TRIM2: variants seen among roughly 807,000 people sequenced by gnomAD.
TRIM2 encodes the protein tripartite motif-containing protein 2.
A neutral mutation model predicts 75.2 loss-of-function variants in TRIM2; 20 were observed. The observed-to-expected ratio is 0.27, with a 90% CI of 0.19 to 0.39. TRIM2 has a LOEUF of 0.39. Ranked by LOEUF, TRIM2 falls within the 10% of genes least tolerant of loss-of-function variation. The probability of loss-of-function intolerance (pLI) is 1.00; values close to 1 mark genes in which losing one functional copy is unlikely to be tolerated. For missense variants in TRIM2, 660 were observed against 990.8 expected (o/e 0.67, Z 4.48); for synonymous variants, 373 against 388.3 (o/e 0.96, Z 0.46).
At chr4:153,168,550 A>C (rs1307469533) in intron 1 of TRIM2, among the ~76,000 whole-genome samples, 1 of 152,164 alleles carries the variant, frequency 6.6e-6, no homozygotes, top group Non-Finnish European at 1.5e-5. Flanking sequence ...AATAACAACA[A>C]ATTAGATAAT....
At chr4:153,197,075 G>T (rs1733856036) in intron 1 of TRIM2, among the ~76,000 whole-genome samples, 1 of 152,222 alleles carries the variant, frequency 6.6e-6, no homozygotes, top group African/African-American at 2.4e-5. Context: ...CTGTGTTGAT[G>T]TGTGGTTAGC....
intron 1 of TRIM2, among the ~76,000 whole-genome samples, chr4:153,190,507 AT>A (rs60062851): frequency 0.16 from 24,911 of 151,958 alleles, 2,345 homozygotes; most frequent in Admixed American, 0.23. Flanking sequence ...AGGCTTAAAG[AT>A]TTTTTTTTAA....
chr4:153,159,320 T>TTTA (rs1729534015), intron 1 of TRIM2, among the ~76,000 whole-genome samples: 1 of 129,178 alleles, frequency 7.7e-6, no homozygotes, highest in Non-Finnish European at 1.7e-5. Context: ...TTTTTTTTTG[T>TTTA]AGAGACAGTA....
intron 1 of TRIM2, among the ~76,000 whole-genome samples, chr4:153,204,961 C>T (rs1271729503): frequency 6.6e-6 from 1 of 152,120 alleles, no homozygotes; most frequent in East Asian, 1.9e-4. Flanking sequence ...CTCAGTCGAC[C>T]CCATTTGAAA....
In TRIM2 at chr4:153,223,409, CTTT is replaced by C. The variant is rs574359289; in HGVS notation, c.30+18852_30+18854del. ...GTAATTTTGAAAAGATCGGCTTCCT[CTTT>C]TTCTTTAAAAACATGTTTGGTCATT... is the stretch of plus-strand genomic sequence containing the variant. On this transcript the variant is annotated intron_variant, in intron 1 of 11. Coordinates refer to ENST00000338700, the MANE Select transcript of TRIM2 (RefSeq NM_015271.5). Among the ~76,000 whole-genome samples, 5 of 152,346 alleles carry C rather than the reference CTTT, an allele frequency of 3.3e-5. No homozygotes were observed. The South Asian group carries it at 1.0e-3, about 32-fold the overall frequency.
chr4:153,173,933 C>A (rs1731141382), intron 1 of TRIM2, among the ~76,000 whole-genome samples: 1 of 152,052 alleles, frequency 6.6e-6, no homozygotes, highest in African/African-American at 2.4e-5. Context: ...CCACTGCAGT[C>A]TATCCTGGGT....
intron 1 of TRIM2, among the ~76,000 whole-genome samples, chr4:153,215,517 C>T (rs1271773465): frequency 6.6e-6 from 1 of 151,752 alleles, no homozygotes; most frequent in East Asian, 1.9e-4. Flanking sequence ...AAGCTCAAAA[C>T]TACATTAGGG....
At chr4:153,286,765 A>AC (rs1197728432) in intron 3 of TRIM2, among the ~76,000 whole-genome samples, 26 of 47,480 alleles carry the variant, frequency 5.5e-4, no homozygotes, top group African/African-American at 1.7e-3. Flanking sequence ...ACCACCCCGC[A>AC]CCCCCCCACC....
chr4:153,273,270 C>CATTTTT (rs1757187818), intron 2 of TRIM2, among the ~76,000 whole-genome samples: 6 of 57,386 alleles, frequency 1.0e-4, no homozygotes, highest in African/African-American at 4.2e-4. Flanking sequence ...TACAGTCACT[C>CATTTTT]TTTTTTTTTT....
chr4:153,284,786 G>A lies in TRIM2; in HGVS notation c.454-8196G>A, dbSNP rs190630848. 1.6e-3 allele frequency among the ~76,000 whole-genome samples: 238 copies of A among 152,152 alleles called. 1 individual carries two copies. Among genetic ancestry groups the A allele is most frequent in the Admixed American group, 5.7e-3 (87 of 15,292 alleles). On this transcript the variant is annotated intron_variant, in intron 3 of 11. Transcript: ENST00000338700. ...AGTTCTTTGCCCGTTTTTGAATTGC[G>A]TTGTTTATCTTTTTGTTGTTGAGTT...
Position 153,322,825 on chromosome 4 carries a change from G to A in TRIM2, c.1951+9G>A, listed in dbSNP as rs140181942. On this transcript the variant is annotated intron_variant, in intron 9 of 11. Coordinates refer to ENST00000338700, the MANE Select transcript of TRIM2 (RefSeq NM_015271.5). ...GGACAGGCAGTTTGCAGGTACACTC[G>A]ATGGTAATATGTAAACCCCCTTTTT... is the stretch of plus-strand genomic sequence containing the variant. 9.9e-6 allele frequency: 16 copies of A among 1,614,122 alleles called. No homozygotes were observed. The East Asian group carries it at 1.1e-4, about 11-fold the overall frequency.
At chr4:153,311,313 C>T (rs1766237864) in intron 6 of TRIM2, among the ~76,000 whole-genome samples, 1 of 152,122 alleles carries the variant, frequency 6.6e-6, no homozygotes, top group Admixed American at 6.5e-5. Flanking sequence ...GACTAAGACA[C>T]CTCCTTGACT....
At chr4:153,184,594 G>A (rs1198505531) in intron 1 of TRIM2, among the ~76,000 whole-genome samples, 1 of 152,152 alleles carries the variant, frequency 6.6e-6, no homozygotes, top group Non-Finnish European at 1.5e-5. Flanking sequence ...TCTGAACAGA[G>A]CCCCAGTCCA....
exon 1 of TRIM2, chr4:153,153,246 C>G (rs1228543924): frequency 6.6e-6 from 1 of 152,266 alleles, no homozygotes; most frequent in Non-Finnish European, 1.5e-5. Flanking sequence ...GGGGGCAGTG[C>G]GCGCTTCGGG....
intron 6 of TRIM2, 129 bp from the exon 7 acceptor site, chr4:153,315,356 C>CT (rs1767363844): frequency 4.3e-6 from 3 of 700,884 alleles, no homozygotes; most frequent in East Asian, 6.0e-5. Context: ...GGAGGGTGCC[C>CT]TTTTTTTAAA....
chr4:153,182,918 C>T (rs1039075295), intron 1 of TRIM2, among the ~76,000 whole-genome samples: 2 of 152,160 alleles, frequency 1.3e-5, no homozygotes, highest in African/African-American at 4.8e-5. Flanking sequence ...CCAGTTATTC[C>T]TTCAGAGCCA....
intron 6 of TRIM2, among the ~76,000 whole-genome samples, chr4:153,311,732 T>C (rs1161153666): frequency 6.6e-6 from 1 of 151,234 alleles, no homozygotes; most frequent in African/African-American, 2.4e-5. Flanking sequence ...ATCAATTTTT[T>C]TTTTTTTTTG....
intron 1 of TRIM2, among the ~76,000 whole-genome samples, chr4:153,206,186 G>C (rs529937812): frequency 6.6e-6 from 1 of 152,218 alleles, no homozygotes; most frequent in African/African-American, 2.4e-5. Context: ...AGACCCTGAG[G>C]TTTAAGGGCT....
intron 1 of TRIM2, among the ~76,000 whole-genome samples, chr4:153,176,809 C>T (rs1002122251): frequency 6.6e-6 from 1 of 152,104 alleles, no homozygotes; most frequent in African/African-American, 2.4e-5. Flanking sequence ...CAGGGTTTCA[C>T]CATGTTGGCC....
Sources: gnomAD v4.1 joint callset for allele counts (sites outside exome capture counted in the v4.1 genomes callset) on GRCh38, gnomAD v4.1.1 for gene constraint, MANE v1.5 for transcripts, NCBI Gene and HGNC (gene_info 2026-07-23, HGNC 2026-07-21) for gene names.